Variants in PCDH9 observed in about 807,000 individuals in gnomAD.
PCDH9 encodes protocadherin-9.
Under a neutral mutation model 70.6 loss-of-function variants are expected in PCDH9, and 24 were observed. That is an observed-to-expected ratio of 0.34 (90% CI 0.25 to 0.48). The LOEUF (loss-of-function observed/expected upper bound fraction) is 0.48. PCDH9 is among the 20% of genes least tolerant of loss of function. PCDH9 has a pLI of 0.99. For missense variants in PCDH9, 1,281 were observed against 1,503.6 expected, an observed-to-expected ratio of 0.85 and a Z score of 2.45; for synonymous variants, 562 against 558.5, an observed-to-expected ratio of 1.01 and a Z score of -0.09.
At chr13:67,112,859 C>T (rs1036973057) in intron 2 of PCDH9, among the ~76,000 whole-genome samples, 8 of 152,108 alleles carry the variant, frequency 5.3e-5, no homozygotes, top group African/African-American at 1.7e-4. Flanking sequence ...GCTGGGACTA[C>T]AGGTGTGTGT....
In PCDH9 at chr13:66,727,613, G is replaced by A. The variant is rs372681137; in HGVS notation, c.3139-96202C>T. Among the ~76,000 whole-genome samples the A allele has an allele frequency of 1.6e-4, 24 of 152,098 alleles. No homozygotes were observed. The East Asian group carries it at 2.9e-3, about 18-fold the overall frequency. On this transcript the variant is annotated intron_variant, in intron 3 of 4. Coordinates refer to ENST00000377865, the MANE Select transcript of PCDH9 (RefSeq NM_203487.3). ...ATGTTTGTGTGTGCCTATTATGGAC[G>A]TATAGAGAGATAGATATAGGCATAG... is the stretch of plus-strand genomic sequence containing the variant.
chr13:67,223,961 T>G (rs975143016), intron 2 of PCDH9: 1 of 152,184 alleles, frequency 6.6e-6, no homozygotes, highest in African/African-American at 2.4e-5. Context: ...AATATTTTAT[T>G]ACCATGAAGC....
chr13:66,601,356 T>A (rs976189710), intron 4 of PCDH9, among the ~76,000 whole-genome samples: 1 of 146,268 alleles, frequency 6.8e-6, no homozygotes. Context: ...CACACACCCC[T>A]CTGGATAATT....
At chr13:66,540,312 G>C (rs1324379357) in intron 4 of PCDH9, among the ~76,000 whole-genome samples, 1 of 152,038 alleles carries the variant, frequency 6.6e-6, no homozygotes, top group African/African-American at 2.4e-5. Context: ...GCAAATTGTA[G>C]GCTCATATAA....
At chr13:66,775,969 C>T (rs2079885766) in intron 3 of PCDH9, among the ~76,000 whole-genome samples, 1 of 152,124 alleles carries the variant, frequency 6.6e-6, no homozygotes. Context: ...TGTTTCCATC[C>T]ACCATGTTGG....
chr13:66,696,489 C>T (rs1337450426), intron 3 of PCDH9, among the ~76,000 whole-genome samples: 1 of 152,144 alleles, frequency 6.6e-6, no homozygotes, highest in Non-Finnish European at 1.5e-5. Flanking sequence ...TCTAACCTTT[C>T]CATAAAGAAG....
chr13:66,454,738 G>T (rs1390595913), intron 4 of PCDH9, among the ~76,000 whole-genome samples: 1 of 152,128 alleles, frequency 6.6e-6, no homozygotes, highest in East Asian at 1.9e-4. Context: ...AAAATGTAGG[G>T]AATGCAAATT....
intron 3 of PCDH9, among the ~76,000 whole-genome samples, chr13:66,642,725 G>T (rs750815406): frequency 9.9e-5 from 15 of 151,716 alleles, no homozygotes; most frequent in Non-Finnish European, 1.9e-4. Context: ...AAGTAAAAAT[G>T]GCACATTTTC....
At chr13:66,499,526 G>T (rs1959166154) in intron 4 of PCDH9, among the ~76,000 whole-genome samples, 1 of 152,156 alleles carries the variant, frequency 6.6e-6, no homozygotes, top group Non-Finnish European at 1.5e-5. Context: ...AGACAATGCT[G>T]TTGGAGGCAT....
intron 4 of PCDH9, among the ~76,000 whole-genome samples, chr13:66,337,719 T>C (rs958096667): frequency 6.6e-6 from 1 of 152,076 alleles, no homozygotes; most frequent in Admixed American, 6.6e-5. Flanking sequence ...TATTTTAAAC[T>C]GTACTAGGAG....
At chr13:66,372,924 G>A (rs1956683246) in intron 4 of PCDH9, among the ~76,000 whole-genome samples, 1 of 151,774 alleles carries the variant, frequency 6.6e-6, no homozygotes, top group African/African-American at 2.4e-5. Flanking sequence ...GGTTCTTCAA[G>A]AAACAAAAAA....
chr13:67,113,991 C>G (rs943949396), intron 2 of PCDH9, among the ~76,000 whole-genome samples: 16 of 152,230 alleles, frequency 1.1e-4, no homozygotes, highest in African/African-American at 3.9e-4. Context: ...TATGCCAAGT[C>G]TTATTTACGT....
intron 3 of PCDH9, among the ~76,000 whole-genome samples, chr13:66,845,926 A>C (rs749980058): frequency 1.1e-4 from 17 of 152,198 alleles, no homozygotes; most frequent in African/African-American, 1.9e-4. Flanking sequence ...AAACACACAC[A>C]TATGGGCCTT....
chr13:66,583,027 T>G (rs1390616594), intron 4 of PCDH9, among the ~76,000 whole-genome samples: 1 of 152,016 alleles, frequency 6.6e-6, no homozygotes, highest in African/African-American at 2.4e-5. Flanking sequence ...CTTTTAGACC[T>G]CATTTACATT....
At chr13:66,897,253 A>G (rs1277763315) in intron 3 of PCDH9, among the ~76,000 whole-genome samples, 4 of 151,962 alleles carry the variant, frequency 2.6e-5, no homozygotes, top group Non-Finnish European at 5.9e-5. Flanking sequence ...GAGGGAGGGA[A>G]GAAAGGAAGA....
At chr13:66,922,133 G>A (rs2082646216) in intron 2 of PCDH9, among the ~76,000 whole-genome samples, 1 of 151,238 alleles carries the variant, frequency 6.6e-6, no homozygotes, top group African/African-American at 2.4e-5. Flanking sequence ...ATCAGAAAAT[G>A]CTCCTAACTG....
chr13:67,139,436 A>C (rs2087316909), intron 2 of PCDH9, among the ~76,000 whole-genome samples: 1 of 152,276 alleles, frequency 6.6e-6, no homozygotes, highest in Non-Finnish European at 1.5e-5. Context: ...AAACTAACAG[A>C]GTGATAATAC....
chr13:66,534,079 G>C (rs1960584803), intron 4 of PCDH9, among the ~76,000 whole-genome samples: 1 of 152,094 alleles, frequency 6.6e-6, no homozygotes, highest in African/African-American at 2.4e-5. Flanking sequence ...ACTTTGGAGA[G>C]TAAACCAAAC....
intron 4 of PCDH9, among the ~76,000 whole-genome samples, chr13:66,308,007 G>A (rs1231681901): frequency 6.6e-6 from 1 of 152,052 alleles, no homozygotes; most frequent in East Asian, 1.9e-4. Context: ...CACAACTACA[G>A]CCTTGAACAA....
Sources: gnomAD v4.1 joint callset for allele counts (sites outside exome capture counted in the v4.1 genomes callset) on GRCh38, gnomAD v4.1.1 for gene constraint, MANE v1.5 for transcripts, NCBI Gene and HGNC (gene_info 2026-07-23, HGNC 2026-07-21) for gene names.